The following SHISA6 variants were observed in gnomAD, a reference collection of about 807,000 sequenced individuals.
The protein encoded by SHISA6 is shisa family member 6.
SHISA6 carries 22 observed loss-of-function variants against 47.9 expected under a neutral mutation model. That is an observed-to-expected ratio of 0.46 (90% CI 0.33 to 0.66). The LOEUF (loss-of-function observed/expected upper bound fraction) is 0.66, where lower values mean the gene tolerates loss of function less well. Ranked by LOEUF, SHISA6 falls within the 30% of genes least tolerant of loss-of-function variation. SHISA6 has a pLI of 0.02. For synonymous variants in SHISA6, 388 were observed against 337.8 expected (o/e 1.15, Z -1.63); for missense variants, 680 against 764.6 (o/e 0.89, Z 1.30).
intron 3 of SHISA6, among the ~76,000 whole-genome samples, chr17:11,395,513 C>CTTTTTT (rs886287303): frequency 5.1e-5 from 6 of 117,398 alleles, no homozygotes; most frequent in Non-Finnish European, 9.0e-5. Flanking sequence ...GGCAGTTTTA[C>CTTTTTT]TTTTTTTTTT....
At chr17:11,303,964 G>T (rs114976595) in intron 2 of SHISA6, among the ~76,000 whole-genome samples, 1 of 152,178 alleles carries the variant, frequency 6.6e-6, no homozygotes, top group African/African-American at 2.4e-5. Context: ...GCCAAAAGCT[G>T]CAGGGCCTGA....
intron 2 of SHISA6, among the ~76,000 whole-genome samples, chr17:11,363,935 A>C (rs985655479): frequency 6.6e-6 from 1 of 152,206 alleles, no homozygotes; most frequent in African/African-American, 2.4e-5. Flanking sequence ...TGCTACTCTC[A>C]GTGCACTGCT....
intron 2 of SHISA6, among the ~76,000 whole-genome samples, chr17:11,264,949 C>A (rs1203788107): frequency 6.6e-6 from 1 of 152,102 alleles, no homozygotes; most frequent in African/African-American, 2.4e-5. Context: ...ATAGATTCAT[C>A]CAAAGTTAAA....
At chr17:11,345,341 C>G (rs1472798705) in intron 2 of SHISA6, among the ~76,000 whole-genome samples, 2 of 152,042 alleles carry the variant, frequency 1.3e-5, no homozygotes, top group African/African-American at 2.4e-5. Context: ...TACGATAATT[C>G]TACTTTTAGA....
intron 2 of SHISA6, among the ~76,000 whole-genome samples, chr17:11,285,805 CTGG>C (rs545019241): frequency 3.3e-4 from 49 of 150,090 alleles, no homozygotes; most frequent in Non-Finnish European, 5.6e-4. Flanking sequence ...CAGGGTGGTG[CTGG>C]TGGTGTGGCT....
At chr17:11,534,986 T>G (rs1167883125) in intron 3 of SHISA6, among the ~76,000 whole-genome samples, 3 of 151,648 alleles carry the variant, frequency 2.0e-5, no homozygotes, top group Non-Finnish European at 2.9e-5. Flanking sequence ...AAATTAGCCA[T>G]GCGTGGTGGC....
At chr17:11,276,750 C>T (rs192765506) in intron 2 of SHISA6, among the ~76,000 whole-genome samples, 2 of 152,054 alleles carry the variant, frequency 1.3e-5, no homozygotes, top group East Asian at 1.9e-4. Context: ...ATCATCACCA[C>T]GACCATCATC....
intron 2 of SHISA6, among the ~76,000 whole-genome samples, chr17:11,267,703 C>G (rs1292259257): frequency 6.6e-6 from 1 of 152,138 alleles, no homozygotes; most frequent in East Asian, 1.9e-4. Flanking sequence ...ACATCAAGAT[C>G]TGCAAGATGC....
chr17:11,543,903 T>A, intron 3 of SHISA6, among the ~76,000 whole-genome samples: 1 of 132,868 alleles, frequency 7.5e-6, no homozygotes, highest in Non-Finnish European at 1.5e-5. Context: ...AATTGGATAT[T>A]TATAAGCAAA....
chr17:11,544,834 A>G (rs2071868514), intron 3 of SHISA6, among the ~76,000 whole-genome samples: 1 of 151,786 alleles, frequency 6.6e-6, no homozygotes, highest in Admixed American at 6.6e-5. Context: ...GGTGGCAGAC[A>G]GCTGTAGTCC....
At chr17:11,490,212 T>G (rs1916440404) in intron 3 of SHISA6, among the ~76,000 whole-genome samples, 1 of 152,084 alleles carries the variant, frequency 6.6e-6, no homozygotes, top group Non-Finnish European at 1.5e-5. Context: ...TGTAGATGCA[T>G]AGCGTGGGGC....
At chr17:11,464,389 C>CT (rs1915760611) in intron 3 of SHISA6, among the ~76,000 whole-genome samples, 1 of 152,196 alleles carries the variant, frequency 6.6e-6, no homozygotes, top group Non-Finnish European at 1.5e-5. Context: ...ATTCTGGGGG[C>CT]TGGAGGCAGG....
At chr17:11,495,987 A>G (rs1200999498) in intron 3 of SHISA6, among the ~76,000 whole-genome samples, 1 of 138,226 alleles carries the variant, frequency 7.2e-6, no homozygotes, top group Non-Finnish European at 1.6e-5. Flanking sequence ...CCTTCTATTT[A>G]TCCATTCATC....
chr17:11,490,775 G>T (rs1916455828), intron 3 of SHISA6, among the ~76,000 whole-genome samples: 1 of 152,208 alleles, frequency 6.6e-6, no homozygotes, highest in Non-Finnish European at 1.5e-5. Flanking sequence ...GTGTTGAAAG[G>T]AGTCCCTGTA....
intron 2 of SHISA6, among the ~76,000 whole-genome samples, chr17:11,358,072 A>C (rs1303166772): frequency 2.0e-5 from 3 of 152,178 alleles, no homozygotes; most frequent in African/African-American, 4.8e-5. Flanking sequence ...CATTTTATCC[A>C]TTTTTAAGTA....
intron 1 of SHISA6, among the ~76,000 whole-genome samples, chr17:11,246,519 T>C (rs1907599098): frequency 1.3e-5 from 2 of 151,824 alleles, no homozygotes; most frequent in Admixed American, 1.3e-4. Context: ...TAAATGCTTG[T>C]AGGGAAAGAG....
chr17:11,271,298 A>G (rs1908643501), intron 2 of SHISA6, among the ~76,000 whole-genome samples: 1 of 152,114 alleles, frequency 6.6e-6, no homozygotes, highest in Non-Finnish European at 1.5e-5. Flanking sequence ...TCTATCACTT[A>G]GGTGATGAGG....
At chr17:11,371,917 A>G (rs55833890) in intron 2 of SHISA6, among the ~76,000 whole-genome samples, 1 of 152,042 alleles carries the variant, frequency 6.6e-6, no homozygotes, top group African/African-American at 2.4e-5. Flanking sequence ...GTTTTAATAG[A>G]TTGTGTTCAT....
chr17:11,546,461 C>T (rs942877982), intron 3 of SHISA6, among the ~76,000 whole-genome samples: 1 of 152,198 alleles, frequency 6.6e-6, no homozygotes, highest in South Asian at 2.1e-4. Context: ...AGATAGAATA[C>T]TCTTTCTGTG....
Sources: allele counts gnomAD v4.1 joint callset (sites outside exome capture counted in the v4.1 genomes callset), GRCh38; gene constraint gnomAD v4.1.1; transcripts MANE v1.5; gene names NCBI Gene and HGNC (gene_info 2026-07-23, HGNC 2026-07-21).